The following TMCC1 variants were observed in gnomAD, a reference collection of about 807,000 sequenced individuals.
TMCC1 encodes the protein transmembrane and coiled-coil domain family 1.
TMCC1 carries 15 observed loss-of-function variants against 52.4 expected under a neutral mutation model. The observed-to-expected ratio is 0.29, with a 90% confidence interval of 0.19 to 0.44. TMCC1 has a LOEUF of 0.44. Among genes scored for constraint, TMCC1 ranks in the 20% least tolerant of loss-of-function variants. The probability of loss-of-function intolerance (pLI) is 1.00; values close to 1 mark genes in which losing one functional copy is unlikely to be tolerated. For synonymous variants in TMCC1, 279 were observed against 301.9 expected (o/e 0.92, Z 0.79); for missense variants, 503 against 806.0 (o/e 0.62, Z 4.55).
intron 4 of TMCC1, among the ~76,000 whole-genome samples, chr3:129,808,221 G>A (rs893133390): frequency 1.3e-5 from 2 of 152,018 alleles, no homozygotes; most frequent in Non-Finnish European, 2.9e-5. Flanking sequence ...GATGGCTCAC[G>A]CCTGTAATCC....
In TMCC1 at chr3:129,737,481, G is replaced by GA. The variant is rs747077023; in HGVS notation, c.577-66218dup. On this transcript the variant is annotated intron_variant, in intron 4 of 6. Transcript: ENST00000393238. ...GGCAACACAGCAAGCCTCCATCTCA[G>GA]AAAAAAAAAAAAAGAGGCTTGACGG... is the stretch of plus-strand genomic sequence containing the variant. 8.5e-3 allele frequency among the ~76,000 whole-genome samples: 1,168 copies of GA among 136,708 alleles called. 6 individuals carry two copies. Among genetic ancestry groups the GA allele is most frequent in the Non-Finnish European group, 0.013 (843 of 62,526 alleles). The allele number at this position is 136,708 out of a possible 152,430, so 89.7% of individuals were successfully genotyped here. A position where few individuals can be genotyped will look rare whatever the true frequency, so the allele number is the denominator to read the frequency against.
At chr3:129,704,050 G>A (rs989356349) in intron 4 of TMCC1, among the ~76,000 whole-genome samples, 3 of 152,184 alleles carry the variant, frequency 2.0e-5, no homozygotes, top group Non-Finnish European at 4.4e-5. Flanking sequence ...TACTTCTGAA[G>A]GAGAAACCAG....
intron 4 of TMCC1, among the ~76,000 whole-genome samples, chr3:129,705,457 T>G (rs2048151833): frequency 6.6e-6 from 1 of 152,208 alleles, no homozygotes; most frequent in Non-Finnish European, 1.5e-5. Flanking sequence ...TGCTGCTGAC[T>G]GCATTTTATG....
At chr3:129,814,081 G>A (rs898708776) in intron 4 of TMCC1, among the ~76,000 whole-genome samples, 3 of 151,528 alleles carry the variant, frequency 2.0e-5, no homozygotes, top group Non-Finnish European at 4.4e-5. Context: ...TTGAGTTATA[G>A]GCTTGCATTT....
intron 1 of TMCC1, among the ~76,000 whole-genome samples, chr3:129,885,257 A>G (rs2108005823): frequency 6.6e-6 from 1 of 152,276 alleles, no homozygotes; most frequent in South Asian, 2.1e-4. Context: ...GCAAAAGAAG[A>G]AAACTTTTGC....
At chr3:129,768,082 G>A (rs1415275044) in intron 4 of TMCC1, among the ~76,000 whole-genome samples, 1 of 152,166 alleles carries the variant, frequency 6.6e-6, no homozygotes, top group Non-Finnish European at 1.5e-5. Flanking sequence ...TCAGTTACTT[G>A]CAAGGCTGAG....
intron 4 of TMCC1, among the ~76,000 whole-genome samples, chr3:129,729,913 A>C (rs144908521): frequency 1.0e-3 from 158 of 152,266 alleles, no homozygotes; most frequent in African/African-American, 3.4e-3. Flanking sequence ...GGGAGGAATA[A>C]TTGAGCCCAG....
chr3:129,798,256 A>C (rs893588624), intron 4 of TMCC1, among the ~76,000 whole-genome samples: 4 of 152,024 alleles, frequency 2.6e-5, no homozygotes, highest in Non-Finnish European at 5.9e-5. Flanking sequence ...CAGCCTCCCA[A>C]AGTGCTGGGA....
Position 129,648,592 on chromosome 3 carries a change from C to T in TMCC1, c.*2889G>A, listed in dbSNP as rs1259940590. On this transcript the variant is annotated 3_prime_UTR_variant, in exon 7 of 7. Coordinates refer to ENST00000393238, the MANE Select transcript of TMCC1 (RefSeq NM_001017395.5). ...CGCATTCTACAACCTGAACAATCAC[C>T]CAGGCCAACACAGCCAGCTTCACTC... The T allele has an allele frequency of 1.3e-5, 2 of 152,102 alleles. No individual in the cohort carries two copies. The highest frequency in any genetic ancestry group is 2.4e-5 in the African/African-American group (1 of 41,408). 9.4% of individuals were successfully genotyped at this position (152,102 alleles called of 1,614,324 possible). A position where few individuals can be genotyped will look rare whatever the true frequency, so the allele number is the denominator to read the frequency against.
At chr3:129,690,834 T>C (rs549881520) in intron 4 of TMCC1, among the ~76,000 whole-genome samples, 1 of 152,318 alleles carries the variant, frequency 6.6e-6, no homozygotes, top group South Asian at 2.1e-4. Context: ...TTTATCTTTT[T>C]GAAAAAAATT....
intron 1 of TMCC1, among the ~76,000 whole-genome samples, chr3:129,884,565 C>G (rs1209574248): frequency 6.6e-6 from 1 of 152,218 alleles, no homozygotes; most frequent in African/African-American, 2.4e-5. Context: ...CAGTTCCCAT[C>G]ACACTTTCCT....
chr3:129,787,478 CAGT>C (rs1231553065), intron 4 of TMCC1, among the ~76,000 whole-genome samples: 1 of 152,100 alleles, frequency 6.6e-6, no homozygotes, highest in Admixed American at 6.6e-5. Flanking sequence ...ACATATTTTT[CAGT>C]AGGATTTTGT....
intron 5 of TMCC1, among the ~76,000 whole-genome samples, chr3:129,665,350 G>A (rs1286057011): frequency 2.0e-5 from 3 of 152,144 alleles, no homozygotes; most frequent in Non-Finnish European, 4.4e-5. Context: ...AGATGGTCTT[G>A]GGCAACTATC....
At chr3:129,796,129 T>C (rs1295898805) in intron 4 of TMCC1, among the ~76,000 whole-genome samples, 1 of 152,222 alleles carries the variant, frequency 6.6e-6, no homozygotes, top group African/African-American at 2.4e-5. Flanking sequence ...TATAATACTG[T>C]ATTTTTATTG....
At position 129,692,782 on chromosome 3, in the gene TMCC1, A is replaced by G. The variant is rs1193673586; in HGVS notation, c.577-21518T>C. On this transcript the variant is annotated intron_variant, in intron 4 of 6. Transcript: ENST00000393238. ...TTTTTGTTTTTAAAGGAAAAGGAGC[A>G]TTTTTTTGTCCCAAACTAAAGTAAC... Among the ~76,000 whole-genome samples, 39 of 152,160 alleles carry G rather than the reference A, an allele frequency of 2.6e-4. 1 individual carries two copies. The highest frequency in any genetic ancestry group is 2.6e-3 in the Admixed American group (39 of 15,272).
At chr3:129,866,635 C>T (rs907050489) in intron 2 of TMCC1, among the ~76,000 whole-genome samples, 2 of 151,962 alleles carry the variant, frequency 1.3e-5, no homozygotes, top group Non-Finnish European at 2.9e-5. Flanking sequence ...CCTTGGCCTC[C>T]CAAAGTGCTG....
chr3:129,872,495 T>C (rs1577171413), intron 2 of TMCC1, among the ~76,000 whole-genome samples: 1 of 152,242 alleles, frequency 6.6e-6, no homozygotes, highest in African/African-American at 2.4e-5. Flanking sequence ...TGTAATTCTA[T>C]GCACACTAAA....
At chr3:129,706,731 T>C (rs2048274237) in intron 4 of TMCC1, among the ~76,000 whole-genome samples, 1 of 152,182 alleles carries the variant, frequency 6.6e-6, no homozygotes, top group Admixed American at 6.5e-5. Flanking sequence ...ATGATTGAAA[T>C]TGTTCATAAA....
intron 4 of TMCC1, among the ~76,000 whole-genome samples, chr3:129,680,730 G>C (rs1415043561): frequency 1.3e-5 from 2 of 151,990 alleles, no homozygotes; most frequent in African/African-American, 4.8e-5. Context: ...GCGAAACCCT[G>C]TCTCTACTAA....
Sources: allele counts gnomAD v4.1 joint callset (sites outside exome capture counted in the v4.1 genomes callset), GRCh38; gene constraint gnomAD v4.1.1; transcripts MANE v1.5; gene names NCBI Gene and HGNC (gene_info 2026-07-23, HGNC 2026-07-21).